PRDM15: variants seen among roughly 807,000 people sequenced by gnomAD.
PRDM15 encodes the protein PR/SET domain 15, also known as PR domain zinc finger protein 15.
Under a neutral mutation model 128.6 loss-of-function variants are expected in PRDM15, and 64 were observed. The observed-to-expected ratio is 0.50, with a 90% CI of 0.41 to 0.61. The LOEUF is 0.61. Ranked by LOEUF, PRDM15 falls within the 20% of genes least tolerant of loss-of-function variation. The pLI, the probability that PRDM15 is intolerant of heterozygous loss-of-function variation, is 0.00. For missense variants in PRDM15, 1,242 were observed against 1,569.1 expected, an observed-to-expected ratio of 0.79 and a Z score of 3.52; for synonymous variants, 615 against 621.8, an observed-to-expected ratio of 0.99 and a Z score of 0.16.
At chr21:41,851,631 C>A (rs2063432925) in intron 5 of PRDM15, among the ~76,000 whole-genome samples, 1 of 152,134 alleles carries the variant, frequency 6.6e-6, no homozygotes, top group Admixed American at 6.5e-5. Context: ...GTTGACGCGG[C>A]TGCTGGCTTG....
chr21:41,869,374 G>C (rs1005641789), intron 1 of PRDM15, among the ~76,000 whole-genome samples: 2 of 151,958 alleles, frequency 1.3e-5, no homozygotes, highest in Non-Finnish European at 2.9e-5. Flanking sequence ...TCCACCTCCA[G>C]GGCTCAAGCG....
chr21:41,879,233 C>T lies in PRDM15; in HGVS notation c.-10+37G>A. 3.4e-6 allele frequency: 3 copies of T among 870,786 alleles called. No homozygotes were observed. Among genetic ancestry groups the T allele is most frequent in the Non-Finnish European group, 4.1e-6 (3 of 726,598 alleles). The allele number at this position is 870,786 out of a possible 1,614,324, so 53.9% of individuals were successfully genotyped here. On this transcript the variant is annotated intron_variant, in intron 1 of 23. Transcript: ENST00000398548. The surrounding 1 kb of genome is among the most constrained non-coding windows in gnomAD (Gnocchi z 5.1). ...CGGCCCGGGGCCGGCGGGGCGCACG[C>T]CGGGGCGGGCGGCGGGCGCAGGGCC...
rs1042753072 is a variant in PRDM15, at chr21:41,798,738, G to C, written c.*2502C>G. 1.3e-5 allele frequency: 2 copies of C among 152,220 alleles called. No individual in the cohort carries two copies. The highest frequency in any genetic ancestry group is 2.9e-5 in the Non-Finnish European group (2 of 68,042). The allele number at this position is 152,220 out of a possible 1,614,324, so 9.4% of individuals were successfully genotyped here. A position where few individuals can be genotyped will look rare whatever the true frequency, so the allele number is the denominator to read the frequency against. ...AATGTCTTCCTTTATGAATACATCT[G>C]TGCACCTGGGATCAGTTAAAAAACG... On this transcript the variant is annotated 3_prime_UTR_variant, in exon 24 of 24. Coordinates refer to ENST00000398548, the MANE Select transcript of PRDM15 (RefSeq NM_001040424.3).
In PRDM15 at chr21:41,876,487, T is replaced by C. The variant is rs1304982308; in HGVS notation, c.-10+2783A>G. 2.6e-5 allele frequency among the ~76,000 whole-genome samples: 4 copies of C among 152,292 alleles called. No homozygotes were observed. The South Asian group carries it at 8.3e-4, about 32-fold the overall frequency. ...CATCAACGATCACCATGAACACCGC[T>C]GGTGTAGAGGCTCCCGCAGCTGCTG... On this transcript the variant is annotated intron_variant, in intron 1 of 23. Transcript: ENST00000398548.
chr21:41,815,904 G>C, intron 18 of PRDM15, 68 bp from the exon 19 acceptor site: 1 of 1,591,138 alleles, frequency 6.3e-7, no homozygotes, highest in Non-Finnish European at 8.5e-7. Context: ...CCATGCCCGA[G>C]ACCCTGGGGC....
Position 41,802,729 on chromosome 21 carries a change from C to T in PRDM15, c.2926G>A (p.Val976Ile), listed in dbSNP as rs3819158. 2.5e-4 allele frequency: 398 copies of T among 1,614,166 alleles called. 1 individual carries two copies. The East Asian group carries it at 8.5e-3, about 34-fold the overall frequency. The change falls in exon 23 of 24, where the codon GTA becomes ATA. Residue 976 changes from valine to isoleucine, a missense_variant. Val to Ile is a conservative substitution (Grantham distance 29, BLOSUM62 3). Transcript: ENST00000398548. ...GSVGDETNSA[V>I]QSIQQVVVTL... Reference sequence around the variant, plus strand: ...AAACTGACCTGCTGAATGCTCTGTACTGCGGAATTGGTCTCGTCGCCTACA... The same window carrying T: ...AAACTGACCTGCTGAATGCTCTGTATTGCGGAATTGGTCTCGTCGCCTACA...
Position 41,836,586 on chromosome 21 carries a change from G to A in PRDM15, c.1065C>T (p.His355=), listed in dbSNP as rs762089816. 6.3e-5 allele frequency: 101 copies of A among 1,613,226 alleles called. No individual in the cohort carries two copies. The highest frequency in any genetic ancestry group is 3.3e-4 in the Middle Eastern group (2 of 6,044). The change falls in exon 9 of 24, where the codon CAC becomes CAT. Residue 355 remains histidine (H), a synonymous_variant. Coordinates refer to ENST00000398548, the MANE Select transcript of PRDM15 (RefSeq NM_001040424.3). ...GTTTGATGAGCTTGCGCCGGATGCCGTGTCTGCTTGAGAGAATTAAGCTCC... is the reference window on the plus strand; with the variant it reads ...GTTTGATGAGCTTGCGCCGGATGCCATGTCTGCTTGAGAGAATTAAGCTCC... ...LKRSLILSSR[H]GIRRKLIKQL... is the part of the protein sequence containing the mutation.
rs993930370 is a variant in PRDM15 at position 41,854,573 on chromosome 21, G to A, written c.531C>T (p.Gly177=). Residue 177 remains glycine (G), a synonymous_variant, in exon 5 of 24, where the codon GGC becomes GGT. Coordinates refer to ENST00000398548, the MANE Select transcript of PRDM15 (RefSeq NM_001040424.3). This position sits in a 1 kb window ranked among gnomAD's most constrained non-coding sequence, Gnocchi z 4.6. The part of the protein sequence containing the change: ...DKPMLKQAGS[G]VHAAGTPENS... Reference sequence around the variant, plus strand: ...TCGGGGGCCGCCACATACCGTGGACGCCAGAGCCGGCCTGCTTCAGCATGG... The same window carrying A: ...TCGGGGGCCGCCACATACCGTGGACACCAGAGCCGGCCTGCTTCAGCATGG... 15 of 1,612,882 alleles carry A rather than the reference G, an allele frequency of 9.3e-6. No homozygotes were observed. The highest frequency in any genetic ancestry group is 4.0e-5 in the African/African-American group (3 of 74,932).
intron 11 of PRDM15, among the ~76,000 whole-genome samples, chr21:41,829,567 C>G (rs1387155555): frequency 1.3e-5 from 2 of 148,244 alleles, no homozygotes; most frequent in Non-Finnish European, 3.0e-5. Context: ...ACATACACAA[C>G]CCACAAACAG....
intron 21 of PRDM15, among the ~76,000 whole-genome samples, chr21:41,806,468 CAGCACCACCCATTACT>C (rs2061644161): frequency 2.0e-5 from 2 of 100,954 alleles, no homozygotes; most frequent in African/African-American, 8.4e-5. Context: ...CCATCACCAC[CAGCACCACCCATTACT>C]ACCACCACCA....
chr21:41,875,862 C>G (rs1233693165), intron 1 of PRDM15, among the ~76,000 whole-genome samples: 1 of 152,138 alleles, frequency 6.6e-6, no homozygotes, highest in Non-Finnish European at 1.5e-5. Flanking sequence ...AGCTTCCTGA[C>G]AGGATTCTGA....
rs759735465 is a variant in PRDM15, at chr21:41,804,560, C to T, written c.2707G>A (p.Asp903Asn). Reference protein sequence around the residue: ...LDHLPETTTIDASSIGIVQPE... With the variant: ...LDHLPETTTINASSIGIVQPE... ...TGGACGATGCCAATGGAGGAGGCGTCGATGGTGGTGGTCTCCGGGAGGTGG... is the reference window on the plus strand; with the variant it reads ...TGGACGATGCCAATGGAGGAGGCGTTGATGGTGGTGGTCTCCGGGAGGTGG... Residue 903 changes from aspartate to asparagine, a missense_variant, in exon 22 of 24, where the codon GAC (aspartate) becomes AAC (asparagine). Asp to Asn is a conservative substitution (Grantham distance 23). This residue lies in a region of PRDM15 where 602 missense variants were observed against 788.3 expected (regional missense o/e 0.76). Transcript: ENST00000398548. The T allele has an allele frequency of 1.5e-5, 23 of 1,570,706 alleles. No individual in the cohort carries two copies. The highest frequency in any genetic ancestry group is 1.7e-4 in the Middle Eastern group (1 of 5,958).
At position 41,832,884 on chromosome 21, in the gene PRDM15, G is replaced by A. The variant is rs929218260; in HGVS notation, c.1366+2553C>T. On this transcript the variant is annotated intron_variant, in intron 11 of 23. Coordinates refer to ENST00000398548, the MANE Select transcript of PRDM15 (RefSeq NM_001040424.3). This position sits in a 1 kb window ranked among gnomAD's most constrained non-coding sequence, Gnocchi z 4.2. ...CTTCAGGCCACTCCCCAGCTGTCCC[G>A]GACAACTCTGCCAAGCCGAGGGTGG... 2.0e-5 allele frequency among the ~76,000 whole-genome samples: 3 copies of A among 152,156 alleles called. No homozygotes were observed. Among genetic ancestry groups the A allele is most frequent in the Non-Finnish European group, 2.9e-5 (2 of 68,018 alleles).
chr21:41,806,510 TCACCAC>T (rs1174491109), intron 21 of PRDM15, among the ~76,000 whole-genome samples: 9 of 19,070 alleles, frequency 4.7e-4, no homozygotes, highest in East Asian at 2.4e-3. Context: ...ACCATCACCA[TCACCAC>T]CACCATCACC....
At position 41,854,657 on chromosome 21, in the gene PRDM15, G is replaced by T. The variant is rs775001185; in HGVS notation, c.447C>A (p.Pro149=). The T allele has an allele frequency of 2.5e-6, 4 of 1,613,794 alleles. No individual in the cohort carries two copies. In the East Asian group the frequency reaches 6.7e-5, roughly 27 times the overall value. Residue 149 remains proline (P), a synonymous_variant, in exon 5 of 24, where the codon CCC becomes CCA. Transcript: ENST00000398548. This position sits in a 1 kb window ranked among gnomAD's most constrained non-coding sequence, Gnocchi z 4.6. ...ACCACACGCGCAGCTCGGTACCCGG[G>T]GGGATGTCTCTGGAGGTGGTGAAGT... ...DVYFTTSRDI[P]PGTELRVWYA... is the part of the protein sequence containing the mutation.
At chr21:41,815,667 G>A (rs746581587) in intron 19 of PRDM15, 38 bp downstream of exon 19, 3 of 1,608,108 alleles carry the variant, frequency 1.9e-6, no homozygotes, top group Non-Finnish European at 1.7e-6. Flanking sequence ...CCTACACAGT[G>A]AGCGCCGTGG....
intron 16 of PRDM15, 147 bp from the exon 17 acceptor site, chr21:41,820,321 A>G: frequency 1.5e-6 from 1 of 659,214 alleles, no homozygotes; most frequent in Non-Finnish European, 2.7e-6. Flanking sequence ...AGCCTCTGCC[A>G]CGGGCTCAAT....
chr21:41,864,842 T>A (rs1233025523), intron 1 of PRDM15, among the ~76,000 whole-genome samples: 1 of 152,046 alleles, frequency 6.6e-6, no homozygotes, highest in Non-Finnish European at 1.5e-5. Flanking sequence ...CTCCTGCACA[T>A]GACCAGGCAC....
intron 2 of PRDM15, 77 bp downstream of exon 2, chr21:41,860,250 C>G (rs1022579472): frequency 8.8e-7 from 1 of 1,132,774 alleles, no homozygotes; most frequent in East Asian, 2.4e-5. Context: ...TTTGCCCAGA[C>G]AGCAAGCGCC....
Sources: allele counts gnomAD v4.1 joint callset (sites outside exome capture counted in the v4.1 genomes callset), GRCh38; gene constraint gnomAD v4.1.1; regional missense constraint gnomAD v4.1.1; non-coding constraint Gnocchi (gnomAD v3.1); transcripts MANE v1.5; gene names NCBI Gene and HGNC (gene_info 2026-07-23, HGNC 2026-07-21).